TMTC2: variants seen among roughly 807,000 people sequenced by gnomAD.
The protein encoded by TMTC2 is protein O-mannosyl-transferase TMTC2.
Under a neutral mutation model 82.4 loss-of-function variants are expected in TMTC2, and 43 were observed. The observed-to-expected ratio is 0.52, with a 90% CI of 0.41 to 0.67. The LOEUF is 0.67. Ranked by LOEUF, TMTC2 falls within the 30% of genes least tolerant of loss-of-function variation. The probability of loss-of-function intolerance (pLI) is 0.00; values close to 1 mark genes in which losing one functional copy is unlikely to be tolerated. For missense variants in TMTC2, 919 were observed against 1,012.4 expected, an observed-to-expected ratio of 0.91 and a Z score of 1.25; for synonymous variants, 408 against 381.9, an observed-to-expected ratio of 1.07 and a Z score of -0.80.
chr12:83,106,198 C>T (rs1415322721), intron 11 of TMTC2, among the ~76,000 whole-genome samples: 1 of 152,090 alleles, frequency 6.6e-6, no homozygotes, highest in East Asian at 1.9e-4. Flanking sequence ...TTTACAGCCA[C>T]AAAGTATAAA....
Position 83,073,901 on chromosome 12 carries a change from TC to T in TMTC2, c.2331+12072del, listed in dbSNP as rs897954500. 5.3e-5 allele frequency among the ~76,000 whole-genome samples: 8 copies of T among 152,314 alleles called. No homozygotes were observed. The East Asian group carries it at 1.5e-3, about 29-fold the overall frequency. On this transcript the variant is annotated intron_variant, in intron 11 of 11. Transcript: ENST00000321196. ...CAATTCTTATATCAGTTTTTGGATT[TC>T]CTTGCATTGTGCTTTGTCTTTCTCT... is the stretch of plus-strand genomic sequence containing the variant.
At chr12:82,742,039 A>G (rs1875437437) in intron 1 of TMTC2, among the ~76,000 whole-genome samples, 1 of 152,038 alleles carries the variant, frequency 6.6e-6, no homozygotes, top group Admixed American at 6.5e-5. Context: ...AATGTCCCCT[A>G]CTGGAGCCCA....
intron 11 of TMTC2, among the ~76,000 whole-genome samples, chr12:83,078,379 G>A (rs2056220): frequency 0.42 from 64,320 of 151,820 alleles, 13,896 homozygotes; most frequent in East Asian, 0.55. Context: ...GGGAAATGTG[G>A]GAATCAACAG....
chr12:82,793,743 A>T (rs1039639525), intron 1 of TMTC2, among the ~76,000 whole-genome samples: 3 of 152,148 alleles, frequency 2.0e-5, no homozygotes, highest in East Asian at 1.9e-4. Context: ...ACTGCAGCTC[A>T]TTAGCATCTT....
At chr12:83,067,018 C>T (rs1329275281) in intron 11 of TMTC2, among the ~76,000 whole-genome samples, 1 of 151,812 alleles carries the variant, frequency 6.6e-6, no homozygotes, top group East Asian at 1.9e-4. Context: ...GTAACATCAA[C>T]AATGGAGGGA....
intron 4 of TMTC2, among the ~76,000 whole-genome samples, chr12:82,942,670 A>G (rs1288595805): frequency 1.3e-5 from 2 of 152,210 alleles, no homozygotes; most frequent in Non-Finnish European, 2.9e-5. Context: ...TTTGGCCAAG[A>G]CATACTATAT....
chr12:82,926,693 C>T (rs968917029), intron 3 of TMTC2, among the ~76,000 whole-genome samples: 4 of 152,132 alleles, frequency 2.6e-5, no homozygotes, highest in Admixed American at 1.3e-4. Flanking sequence ...GACAGGCTGA[C>T]TGTTATTTTT....
chr12:83,035,512 C>T (rs1881627027), intron 9 of TMTC2, among the ~76,000 whole-genome samples: 1 of 152,158 alleles, frequency 6.6e-6, no homozygotes, highest in Non-Finnish European at 1.5e-5. Flanking sequence ...AACATATACC[C>T]AATTTCTCAC....
intron 2 of TMTC2, among the ~76,000 whole-genome samples, chr12:82,861,326 C>A (rs548942601): frequency 6.6e-6 from 1 of 152,236 alleles, no homozygotes; most frequent in South Asian, 2.1e-4. Context: ...ATTCTACATC[C>A]GGATGTAGTG....
chr12:82,991,039 A>G (rs1879377219), intron 8 of TMTC2, among the ~76,000 whole-genome samples: 1 of 152,164 alleles, frequency 6.6e-6, no homozygotes, highest in Non-Finnish European at 1.5e-5. Flanking sequence ...TGTGCTTGAC[A>G]TGTGATATTT....
chr12:82,951,453 G>C (rs1877342119), intron 4 of TMTC2, among the ~76,000 whole-genome samples: 2 of 151,960 alleles, frequency 1.3e-5, no homozygotes, highest in African/African-American at 4.8e-5. Context: ...GCCACGCCCA[G>C]CTATTTTGTT....
chr12:82,944,713 A>G (rs1023898220), intron 4 of TMTC2, among the ~76,000 whole-genome samples: 1 of 152,196 alleles, frequency 6.6e-6, no homozygotes, highest in African/African-American at 2.4e-5. Context: ...ACCATGTACT[A>G]TAGAGAAGTT....
At position 82,985,845 on chromosome 12, in the gene TMTC2, A is replaced by G. The variant is rs985985654; in HGVS notation, c.1949-80A>G. On this transcript the variant is annotated intron_variant, in intron 7 of 11. Transcript: ENST00000321196. ...ATCTGAAATTCCACGCAGTATGATG[A>G]TGATGATGATGATGCTGTTGCAAAT... The G allele has an allele frequency of 6.6e-6, 10 of 1,526,610 alleles. No homozygotes were observed. The African/African-American group carries it at 1.2e-4, about 19-fold the overall frequency. The allele number at this position is 1,526,610 out of a possible 1,614,324, so 94.6% of individuals were successfully genotyped here.
intron 11 of TMTC2, among the ~76,000 whole-genome samples, chr12:83,100,828 A>T (rs1028275986): frequency 2.6e-5 from 4 of 152,210 alleles, no homozygotes; most frequent in African/African-American, 9.6e-5. Flanking sequence ...TCCCATTTAT[A>T]AGACCTGATA....
At chr12:82,849,969 C>G (rs887593302) in intron 1 of TMTC2, among the ~76,000 whole-genome samples, 1 of 152,008 alleles carries the variant, frequency 6.6e-6, no homozygotes, top group South Asian at 2.1e-4. Context: ...ATAGTTGGTA[C>G]CATATTGACT....
chr12:83,032,936 T>C (rs1278778752), intron 9 of TMTC2, among the ~76,000 whole-genome samples: 1 of 152,178 alleles, frequency 6.6e-6, no homozygotes, highest in African/African-American at 2.4e-5. Flanking sequence ...TAAAAACCAA[T>C]TCTTCTTAGA....
intron 1 of TMTC2, among the ~76,000 whole-genome samples, chr12:82,821,403 T>C (rs1430305521): frequency 1.3e-5 from 2 of 152,154 alleles, no homozygotes; most frequent in Non-Finnish European, 2.9e-5. Flanking sequence ...TCAACTCATG[T>C]TGGTAATGAC....
chr12:82,997,348 G>GTATATATATA (rs370359828), intron 8 of TMTC2, among the ~76,000 whole-genome samples: 18 of 21,628 alleles, frequency 8.3e-4, no homozygotes, highest in African/African-American at 2.0e-3. Flanking sequence ...GTGTGTGTGT[G>GTATATATATA]TATATATATA....
At chr12:83,078,842 G>A (rs1388050469) in intron 11 of TMTC2, among the ~76,000 whole-genome samples, 1 of 151,980 alleles carries the variant, frequency 6.6e-6, no homozygotes, top group Non-Finnish European at 1.5e-5. Context: ...CCTTTTTGAA[G>A]AGTAAATAAC....
Sources: gnomAD v4.1 joint callset for allele counts (sites outside exome capture counted in the v4.1 genomes callset) on GRCh38, gnomAD v4.1.1 for gene constraint, MANE v1.5 for transcripts, NCBI Gene and HGNC (gene_info 2026-07-23, HGNC 2026-07-21) for gene names.